MMEL1: variants seen among roughly 807,000 people sequenced by gnomAD.
The protein encoded by MMEL1 is membrane metallo-endopeptidase-like 1.
MMEL1 carries 98 observed loss-of-function variants against 117.1 expected under a neutral mutation model. The ratio of observed to expected loss-of-function variants is 0.84; its 90% CI spans 0.71 to 0.99. MMEL1 has a LOEUF of 0.99. MMEL1 is among the 50% of genes least tolerant of loss of function. The pLI is 0.00. For synonymous variants in MMEL1, 390 were observed against 415.1 expected, an observed-to-expected ratio of 0.94 and a Z score of 0.74; for missense variants, 1,014 against 1,049.1, an observed-to-expected ratio of 0.97 and a Z score of 0.46.
rs1645123571 is a variant in MMEL1 at position 2,611,309 on chromosome 1, G to C, written c.264C>G (p.Val88=). 1 of 1,571,106 alleles carries C rather than the reference G, an allele frequency of 6.4e-7. No individual in the cohort carries two copies. Among genetic ancestry groups the C allele is most frequent in the African/African-American group, 1.4e-5 (1 of 72,966 alleles). ...CTATCACGCAGCCAGGGGTGGTGCA[G>C]ACCTCGCTCACCTCTTGGGCCTCTG... The part of the protein sequence containing the change: ...GIPEAQEVSE[V]CTTPGCVIAA... Residue 88 remains valine (V), a synonymous_variant, in exon 4 of 24, where the codon GTC becomes GTG. Coordinates refer to ENST00000378412, the MANE Select transcript of MMEL1 (RefSeq NM_033467.4).
chr1:2,593,669 T>C (rs1644780690), intron 19 of MMEL1, 145 bp downstream of exon 19: 1 of 1,208,834 alleles, frequency 8.3e-7, no homozygotes, highest in Non-Finnish European at 1.1e-6. Context: ...CAAAGCCTGC[T>C]CTGCCCCCAC....
intron 7 of MMEL1, 59 bp from the exon 8 acceptor site, chr1:2,606,425 C>G: frequency 7.3e-7 from 1 of 1,364,136 alleles, no homozygotes; most frequent in Non-Finnish European, 1.0e-6. Context: ...AGCCCGGCCC[C>G]TTGTCGGTGA....
At chr1:2,623,175 A>G (rs917748902) in intron 2 of MMEL1, among the ~76,000 whole-genome samples, 1 of 152,308 alleles carries the variant, frequency 6.6e-6, no homozygotes, top group Middle Eastern at 3.4e-3. Flanking sequence ...AAAAAAAAAA[A>G]AAAACCAAGT....
chr1:2,629,474 G>C lies in MMEL1; in HGVS notation c.11C>G (p.Ser4Cys), dbSNP rs928175585. Residue 4 changes from serine to cysteine, a missense_variant, in exon 2 of 24, where the codon TCC (serine) becomes TGC (cysteine). Coordinates refer to ENST00000378412, the MANE Select transcript of MMEL1 (RefSeq NM_033467.4). Reference protein sequence around the residue: MGKSEGPVGMVESA... With the variant: MGKCEGPVGMVESA... The stretch of plus-strand genomic sequence containing the variant: ...CTCCACCATCCCCACTGGGCCTTCG[G>C]ACTTCCCCATCAGCAGGGCTCTGGA... The C allele has an allele frequency of 2.0e-6, 3 of 1,518,712 alleles. No homozygotes were observed. Among genetic ancestry groups the C allele is most frequent in the Non-Finnish European group, 2.7e-6 (3 of 1,131,778 alleles). 94.1% of individuals were successfully genotyped at this position (1,518,712 alleles called of 1,614,324 possible). A position where few individuals can be genotyped will look rare whatever the true frequency, so the allele number is the denominator to read the frequency against.
At chr1:2,622,945 G>A (rs1645312759) in intron 2 of MMEL1, among the ~76,000 whole-genome samples, 1 of 151,418 alleles carries the variant, frequency 6.6e-6, no homozygotes, top group African/African-American at 2.4e-5. Flanking sequence ...CAGCACTTTG[G>A]GAGGCCAAGG....
intron 7 of MMEL1, 80 bp from the exon 8 acceptor site, chr1:2,606,446 C>A: frequency 9.2e-7 from 1 of 1,083,776 alleles, no homozygotes; most frequent in African/African-American, 1.6e-5. Flanking sequence ...ATCTGGCCTC[C>A]GGAGCCAGGA....
chr1:2,629,219 C>T (rs991889598), intron 2 of MMEL1, 112 bp downstream of exon 2: 1 of 1,219,368 alleles, frequency 8.2e-7, no homozygotes, highest in African/African-American at 1.6e-5. Flanking sequence ...CCCACCTGCC[C>T]CATCTGACGG....
Position 2,606,367 on chromosome 1 carries a change from C to G in MMEL1, c.632-1G>C. The G allele has an allele frequency of 6.2e-7, 1 of 1,610,374 alleles. No homozygotes were observed. The highest frequency in any genetic ancestry group is 8.5e-7 in the Non-Finnish European group (1 of 1,179,202). On this transcript the variant is annotated splice_acceptor_variant, in intron 7 of 23. Transcript: ENST00000378412. LOFTEE classifies it high-confidence loss of function. ...TGCCGCTCCAGCTCCCACTCGAGTC[C>G]TGGGGAGACAGTGCCCCGCACTGGA...
At chr1:2,594,152 A>C (rs1644792034) in intron 18 of MMEL1, 1 of 771,166 alleles carries the variant, frequency 1.3e-6, no homozygotes, top group Admixed American at 2.8e-5. Context: ...TCCTCCCACC[A>C]TCCTGTTCTG....
chr1:2,609,755 C>G lies in MMEL1; in HGVS notation c.369G>C (p.Trp123Cys), dbSNP rs773446673. Reference protein sequence around the residue: ...DDFYQFACGGWLRRHVIPETN... With the variant: ...DDFYQFACGGCLRRHVIPETN... ...TCTCAGGGATCACGTGGCGCCGCAGCCAGCCTCCGCATGCAAACTGGTAGA... is the reference window on the plus strand; with the variant it reads ...TCTCAGGGATCACGTGGCGCCGCAGGCAGCCTCCGCATGCAAACTGGTAGA... The change falls in exon 5 of 24, where the codon TGG becomes TGC. Residue 123 changes from tryptophan (W) to cysteine (C), a missense_variant. Coordinates refer to ENST00000378412, the MANE Select transcript of MMEL1 (RefSeq NM_033467.4). 5.0e-6 allele frequency: 8 copies of G among 1,613,864 alleles called. No homozygotes were observed. The highest frequency in any genetic ancestry group is 6.8e-6 in the Non-Finnish European group (8 of 1,180,014).
At chr1:2,618,519 GA>G (rs1324697864) in intron 2 of MMEL1, among the ~76,000 whole-genome samples, 1 of 152,032 alleles carries the variant, frequency 6.6e-6, no homozygotes, top group Non-Finnish European at 1.5e-5. Flanking sequence ...CCCTCTTTCA[GA>G]AGAAACAAAG....
chr1:2,619,434 G>A (rs1054380399), intron 2 of MMEL1, among the ~76,000 whole-genome samples: 1 of 152,180 alleles, frequency 6.6e-6, no homozygotes, highest in African/African-American at 2.4e-5. Context: ...AAGGTGGGCA[G>A]ATCACTTGAG....
chr1:2,603,122 C>T (rs1644960840), intron 11 of MMEL1, among the ~76,000 whole-genome samples: 1 of 152,158 alleles, frequency 6.6e-6, no homozygotes, highest in African/African-American at 2.4e-5. Context: ...ACTAGGTGCC[C>T]TGGGGCGAGG....
chr1:2,627,475 G>A (rs1329959601), intron 2 of MMEL1, among the ~76,000 whole-genome samples: 1 of 152,188 alleles, frequency 6.6e-6, no homozygotes, highest in East Asian at 1.9e-4. Context: ...CCATCACTCA[G>A]CATTTGGTGA....
intron 12 of MMEL1, 43 bp from the exon 13 acceptor site, chr1:2,598,343 G>A: frequency 6.3e-7 from 1 of 1,583,216 alleles, no homozygotes. Flanking sequence ...CAGGTGAGAG[G>A]TCTTTGCAAG....
intron 1 of MMEL1, chr1:2,629,791 C>A: frequency 3.1e-6 from 1 of 324,214 alleles, no homozygotes; most frequent in Non-Finnish European, 5.6e-6. Flanking sequence ...GGCTCAGCTC[C>A]TGTGCTGTCA....
intron 7 of MMEL1, 82 bp from the exon 8 acceptor site, chr1:2,606,448 G>C: frequency 1.9e-6 from 2 of 1,068,980 alleles, no homozygotes; most frequent in South Asian, 1.3e-5. Flanking sequence ...CTGGCCTCCG[G>C]AGCCAGGAAC....
intron 11 of MMEL1, among the ~76,000 whole-genome samples, chr1:2,603,417 G>A (rs901554677): frequency 1.3e-5 from 2 of 152,202 alleles, no homozygotes; most frequent in African/African-American, 4.8e-5. Flanking sequence ...TCAAAGCACA[G>A]GGCGGTGCCT....
At chr1:2,622,335 G>C (rs918390013) in intron 2 of MMEL1, among the ~76,000 whole-genome samples, 1 of 152,302 alleles carries the variant, frequency 6.6e-6, no homozygotes, top group Middle Eastern at 3.4e-3. Flanking sequence ...TGCGGCCTTG[G>C]TTGGACCTTG....
Sources: allele counts gnomAD v4.1 joint callset (sites outside exome capture counted in the v4.1 genomes callset), GRCh38; gene constraint gnomAD v4.1.1; transcripts MANE v1.5; gene names NCBI Gene and HGNC (gene_info 2026-07-23, HGNC 2026-07-21).